Variants in NUBPL observed in about 807,000 individuals in gnomAD.
NUBPL encodes the protein iron-sulfur cluster transfer protein NUBPL.
Under a neutral mutation model 45.7 loss-of-function variants are expected in NUBPL, and 31 were observed. The observed-to-expected ratio is 0.68, with a 90% confidence interval of 0.51 to 0.92. The LOEUF (loss-of-function observed/expected upper bound fraction) is 0.92, where lower values mean the gene tolerates loss of function less well. Ranked by LOEUF, NUBPL falls within the 40% of genes least tolerant of loss-of-function variation. NUBPL has a pLI of 0.00. For missense variants in NUBPL, 401 were observed against 398.7 expected (o/e 1.01, Z -0.05); for synonymous variants, 144 against 140.9 (o/e 1.02, Z -0.15).
chr14:31,590,258 T>C (rs2034107266), intron 3 of NUBPL, among the ~76,000 whole-genome samples: 1 of 152,112 alleles, frequency 6.6e-6, no homozygotes, highest in Non-Finnish European at 1.5e-5. Context: ...CAATCCTTTT[T>C]TTAAAAAAAT....
At chr14:31,702,398 C>G (rs1360051367) in intron 6 of NUBPL, among the ~76,000 whole-genome samples, 1 of 152,152 alleles carries the variant, frequency 6.6e-6, no homozygotes, top group Non-Finnish European at 1.5e-5. Flanking sequence ...ACCCAAAGCC[C>G]CCACTCTAAA....
chr14:31,697,969 A>G (rs545558622), intron 6 of NUBPL, among the ~76,000 whole-genome samples: 3 of 152,172 alleles, frequency 2.0e-5, no homozygotes, highest in Non-Finnish European at 4.4e-5. Context: ...AGCTCCAGGA[A>G]GACTTGAACA....
intron 4 of NUBPL, among the ~76,000 whole-genome samples, chr14:31,630,328 T>C (rs1304768621): frequency 6.6e-6 from 1 of 152,184 alleles, no homozygotes; most frequent in Admixed American, 6.5e-5. Context: ...TAAATGGGAA[T>C]GGTTTTGGGA....
chr14:31,753,550 C>T (rs2038580552), intron 6 of NUBPL, among the ~76,000 whole-genome samples: 1 of 152,070 alleles, frequency 6.6e-6, no homozygotes, highest in Non-Finnish European at 1.5e-5. Flanking sequence ...GACAGTGGAG[C>T]CCCATGGATG....
intron 4 of NUBPL, among the ~76,000 whole-genome samples, chr14:31,636,902 T>C (rs988630380): frequency 6.6e-6 from 1 of 152,214 alleles, no homozygotes; most frequent in Non-Finnish European, 1.5e-5. Context: ...TATTCTCTGA[T>C]GGTAGTTTGT....
chr14:31,817,673 G>A (rs1275167833), intron 7 of NUBPL, among the ~76,000 whole-genome samples: 1 of 152,158 alleles, frequency 6.6e-6, no homozygotes, highest in Non-Finnish European at 1.5e-5. Flanking sequence ...AGTAAATATG[G>A]AAAGGAAAAC....
In NUBPL at chr14:31,637,102, G is replaced by A. The variant is rs1332725648; in HGVS notation, c.383-36253G>A. The stretch of plus-strand genomic sequence containing the variant: ...TCTCTATTTCCTTCAGTTCTGCTCC[G>A]ATTTTAGTTATTTCTTGCCTTCTGC... On this transcript the variant is annotated intron_variant, in intron 4 of 10. Coordinates refer to ENST00000281081, the MANE Select transcript of NUBPL (RefSeq NM_025152.3). 1.8e-4 allele frequency among the ~76,000 whole-genome samples: 28 copies of A among 152,150 alleles called. 1 individual carries two copies. The Middle Eastern group carries it at 0.014, about 74-fold the overall frequency.
In NUBPL at chr14:31,850,142, A is replaced by G. The variant is rs1198335549; in HGVS notation, c.838A>G (p.Ile280Val). ...VLGDIPLHLNIREASDTGQPI... is the reference protein window; with the variant it reads ...VLGDIPLHLNVREASDTGQPI... ...AGGAGACATTCCCTTACACCTTAAT[A>G]TAAGGGAAGCTTCAGATACAGGCCA... Residue 280 changes from isoleucine (I) to valine (V), a missense_variant, in exon 10 of 11, where the codon ATA becomes GTA. Coordinates refer to ENST00000281081, the MANE Select transcript of NUBPL (RefSeq NM_025152.3). 3 of 1,613,540 alleles carry G rather than the reference A, an allele frequency of 1.9e-6. No homozygotes were observed. The highest frequency in any genetic ancestry group is 2.5e-6 in the Non-Finnish European group (3 of 1,179,614).
chr14:31,713,398 A>G (rs2037620684), intron 6 of NUBPL, among the ~76,000 whole-genome samples: 1 of 152,112 alleles, frequency 6.6e-6, no homozygotes, highest in Admixed American at 6.5e-5. Context: ...TTTTCCTAAC[A>G]TGTTTATATA....
At chr14:31,602,005 A>C (rs1236003229) in intron 4 of NUBPL, among the ~76,000 whole-genome samples, 1 of 152,344 alleles carries the variant, frequency 6.6e-6, no homozygotes, top group East Asian at 1.9e-4. Flanking sequence ...TCCAACAATG[A>C]TAGACTGGAT....
In NUBPL at chr14:31,815,847, G is replaced by A. The variant is rs547948159; in HGVS notation, c.608-10782G>A. ...TGTGATGGATTATTTTTATTGATTT[G>A]CATATATTTAACCAGCCTTGCATGC... On this transcript the variant is annotated intron_variant, in intron 7 of 10. Transcript: ENST00000281081. Among the ~76,000 whole-genome samples, 29 of 152,222 alleles carry A rather than the reference G, an allele frequency of 1.9e-4. No individual in the cohort carries two copies. In the East Asian group the frequency reaches 2.1e-3, roughly 11 times the overall value.
chr14:31,638,557 G>A (rs8015522), intron 4 of NUBPL, among the ~76,000 whole-genome samples: 139,645 of 151,654 alleles, frequency 0.92, 64,353 homozygotes, highest in East Asian at 1. Flanking sequence ...GAATCTGACA[G>A]TTTTGTGTCT....
rs760508207 is a variant in NUBPL at position 31,614,986 on chromosome 14, T to C, written c.382+15607T>C. Among the ~76,000 whole-genome samples, 15 of 152,296 alleles carry C rather than the reference T, an allele frequency of 9.8e-5. No individual in the cohort carries two copies. In the South Asian group the frequency reaches 2.9e-3, roughly 29 times the overall value. The stretch of plus-strand genomic sequence containing the variant: ...GTCTGTTGTAAGAAGGTATTGAGGA[T>C]TGACAATGAGGATGGTGATATAGTT... On this transcript the variant is annotated intron_variant, in intron 4 of 10. Coordinates refer to ENST00000281081, the MANE Select transcript of NUBPL (RefSeq NM_025152.3).
intron 3 of NUBPL, chr14:31,578,044 A>G: frequency 8.5e-7 from 1 of 1,169,628 alleles, no homozygotes; most frequent in Non-Finnish European, 1.1e-6. Context: ...TTGAAAACAG[A>G]TTACACTTTG....
intron 3 of NUBPL, among the ~76,000 whole-genome samples, chr14:31,569,256 G>A (rs1305335514): frequency 6.6e-6 from 1 of 152,056 alleles, no homozygotes; most frequent in South Asian, 2.1e-4. Context: ...GAGTGCAGTG[G>A]TGTGATCTCA....
chr14:31,771,757 T>A, intron 6 of NUBPL: 1 of 359,822 alleles, frequency 2.8e-6, no homozygotes, highest in Non-Finnish European at 3.9e-6. Flanking sequence ...AGGCTCTCAA[T>A]AACTATTAAT....
At chr14:31,779,459 A>G (rs907043400) in intron 6 of NUBPL, among the ~76,000 whole-genome samples, 1 of 152,136 alleles carries the variant, frequency 6.6e-6, no homozygotes, top group Admixed American at 6.6e-5. Context: ...CCCCATAACT[A>G]TCTTCTCTAT....
rs955373044 is a variant in NUBPL, at chr14:31,748,514, C to T, written c.514-39266C>T. Among the ~76,000 whole-genome samples the T allele has an allele frequency of 6.3e-4, 95 of 151,734 alleles. 2 individuals are homozygous for T. The highest frequency in any genetic ancestry group is 4.5e-3 in the Admixed American group (69 of 15,252). On this transcript the variant is annotated intron_variant, in intron 6 of 10. Transcript: ENST00000281081. ...TGTAGATATTTACAATTGTTATATCCTCTTCCTGCATTGATTCCTTCGTGA... is the reference window on the plus strand; with the variant it reads ...TGTAGATATTTACAATTGTTATATCTTCTTCCTGCATTGATTCCTTCGTGA...
rs552925139 is a variant in NUBPL, at chr14:31,741,821, T to C, written c.514-45959T>C. ...TCTACCTGTCTAATTTTTGGGGCAC[T>C]GGTTTGCCCTGTGACCTCACCTCTC... On this transcript the variant is annotated intron_variant, in intron 6 of 10. Transcript: ENST00000281081. Among the ~76,000 whole-genome samples, 317 of 144,536 alleles carry C rather than the reference T, an allele frequency of 2.2e-3. 1 individual carries two copies. The highest frequency in any genetic ancestry group is 8.8e-3 in the African/African-American group (303 of 34,324). The allele number at this position is 144,536 out of a possible 152,430, so 94.8% of individuals were successfully genotyped here. A position where few individuals can be genotyped will look rare whatever the true frequency, so the allele number is the denominator to read the frequency against.
Sources: allele counts gnomAD v4.1 joint callset (sites outside exome capture counted in the v4.1 genomes callset), GRCh38; gene constraint gnomAD v4.1.1; transcripts MANE v1.5; gene names NCBI Gene and HGNC (gene_info 2026-07-23, HGNC 2026-07-21).